Variants in ROBO2 observed in about 807,000 individuals in gnomAD.
ROBO2 encodes roundabout homolog 2.
A neutral mutation model predicts 160.8 loss-of-function variants in ROBO2; 53 were observed. The ratio of observed to expected loss-of-function variants is 0.33; its 90% CI spans 0.26 to 0.41. The LOEUF (loss-of-function observed/expected upper bound fraction) is 0.41. Ranked by LOEUF, ROBO2 falls within the 10% of genes least tolerant of loss-of-function variation. ROBO2 has a pLI of 1.00. For synonymous variants in ROBO2, 664 were observed against 611.7 expected, an observed-to-expected ratio of 1.09 and a Z score of -1.26; for missense variants, 1,577 against 1,722.4, an observed-to-expected ratio of 0.92 and a Z score of 1.49.
chr3:75,953,850 A>G (rs1198469669), intron 2 of ROBO2, among the ~76,000 whole-genome samples: 1 of 151,930 alleles, frequency 6.6e-6, no homozygotes, highest in Non-Finnish European at 1.5e-5. Flanking sequence ...ACCTTATGAT[A>G]TTTATCAAAT....
intron 2 of ROBO2, among the ~76,000 whole-genome samples, chr3:76,950,047 T>G (rs541018688): frequency 2.6e-5 from 4 of 152,336 alleles, no homozygotes; most frequent in African/African-American, 2.4e-5. Flanking sequence ...CTTTTTGTGA[T>G]GAAGTCTCCA....
intron 2 of ROBO2, among the ~76,000 whole-genome samples, chr3:76,427,454 T>C (rs1423631300): frequency 6.6e-6 from 1 of 152,104 alleles, no homozygotes; most frequent in Non-Finnish European, 1.5e-5. Flanking sequence ...TGAAGACTAC[T>C]ACAAATGTAA....
intron 14 of ROBO2, 29 bp downstream of exon 15, chr3:77,574,759 A>G: frequency 1.3e-6 from 2 of 1,498,008 alleles, no homozygotes; most frequent in Non-Finnish European, 1.9e-6. Flanking sequence ...AATATAAATC[A>G]AACATGATGA....
At chr3:77,064,007 T>C (rs2066585587) in intron 1 of ROBO2, among the ~76,000 whole-genome samples, 1 of 152,194 alleles carries the variant, frequency 6.6e-6, no homozygotes, top group Non-Finnish European at 1.5e-5. Flanking sequence ...CATACCTAGA[T>C]GAAGGGTAAA....
At chr3:76,877,546 A>G (rs1225768422) in intron 2 of ROBO2, among the ~76,000 whole-genome samples, 9 of 152,188 alleles carry the variant, frequency 5.9e-5, no homozygotes, top group Non-Finnish European at 1.3e-4. Flanking sequence ...TCTAGTATGA[A>G]GTAAATGATG....
intron 2 of ROBO2, among the ~76,000 whole-genome samples, chr3:76,023,861 T>C (rs2066650464): frequency 1.3e-5 from 2 of 151,336 alleles, no homozygotes; most frequent in Admixed American, 6.6e-5. Context: ...ACAAGAAAAG[T>C]GCAATAAAAC....
chr3:76,806,725 C>T (rs1410144219), intron 2 of ROBO2, among the ~76,000 whole-genome samples: 1 of 151,994 alleles, frequency 6.6e-6, no homozygotes, highest in Non-Finnish European at 1.5e-5. Context: ...GGTACCACCT[C>T]TAGTACTGAA....
intron 2 of ROBO2, among the ~76,000 whole-genome samples, chr3:77,309,828 A>G (rs1049878703): frequency 1.3e-5 from 2 of 152,218 alleles, no homozygotes; most frequent in Admixed American, 1.3e-4. Context: ...AAGGGTCCAT[A>G]GAGAGATAAC....
intron 2 of ROBO2, among the ~76,000 whole-genome samples, chr3:76,563,243 C>T (rs777486123): frequency 1.3e-5 from 2 of 152,218 alleles, no homozygotes; most frequent in Non-Finnish European, 2.9e-5. Flanking sequence ...ACACTCTGCA[C>T]ATCATTTCTT....
intron 1 of ROBO2, among the ~76,000 whole-genome samples, chr3:77,045,111 TTTC>T (rs1363323978): frequency 6.6e-6 from 1 of 152,128 alleles, no homozygotes; most frequent in Non-Finnish European, 1.5e-5. Flanking sequence ...GCTGTAGGCT[TTTC>T]TTCTTCTTGT....
At chr3:76,316,383 A>T (rs185362190) in intron 2 of ROBO2, among the ~76,000 whole-genome samples, 9 of 152,308 alleles carry the variant, frequency 5.9e-5, no homozygotes, top group African/African-American at 2.2e-4. Flanking sequence ...TTGCTAGGAG[A>T]AGAATTTAGT....
In ROBO2 at chr3:76,758,613, C is replaced by T. The variant is rs769511065; in HGVS notation, c.110-339401C>T. Among the ~76,000 whole-genome samples the T allele has an allele frequency of 2.8e-4, 42 of 151,844 alleles. 1 individual carries two copies. Among genetic ancestry groups the T allele is most frequent in the Admixed American group, 3.9e-4 (6 of 15,230 alleles). Reference sequence around the variant, plus strand: ...CCTGCTTTTTGAGGATTGCACCAACCCATTACCTTCTCATCAGCTGTAATG... The same window carrying T: ...CCTGCTTTTTGAGGATTGCACCAACTCATTACCTTCTCATCAGCTGTAATG... On this transcript the variant is annotated intron_variant, in intron 2 of 26. Coordinates refer to the ROBO2 transcript ENST00000487694.
Position 76,670,599 on chromosome 3 carries a change from C to T in ROBO2, c.110-427415C>T, listed in dbSNP as rs2092228866. 4.6e-5 allele frequency among the ~76,000 whole-genome samples: 7 copies of T among 152,186 alleles called. No homozygotes were observed. The South Asian group carries it at 1.5e-3, about 32-fold the overall frequency. On this transcript the variant is annotated intron_variant, in intron 2 of 26. Coordinates refer to the ROBO2 transcript ENST00000487694. Reference sequence around the variant, plus strand: ...ATTCTTCATTCATACTGATCTATTACATGCTGTAAGGAGCATGAAAGGGTG... The same window carrying T: ...ATTCTTCATTCATACTGATCTATTATATGCTGTAAGGAGCATGAAAGGGTG...
At chr3:76,986,396 A>G (rs1047703743) in intron 2 of ROBO2, among the ~76,000 whole-genome samples, 6 of 152,132 alleles carry the variant, frequency 3.9e-5, no homozygotes, top group African/African-American at 1.4e-4. Context: ...TTTGGAATCT[A>G]TAAAACATGA....
chr3:76,842,719 A>T (rs991616238), intron 2 of ROBO2, among the ~76,000 whole-genome samples: 59 of 152,156 alleles, frequency 3.9e-4, no homozygotes, highest in African/African-American at 1.3e-3. Flanking sequence ...TTTTTTATTT[A>T]TGTAATTTTC....
chr3:77,574,474 A>T, intron 13 of ROBO2, 25 bp from the exon 15 acceptor site: 1 of 1,587,678 alleles, frequency 6.3e-7, no homozygotes, highest in Non-Finnish European at 8.6e-7. Context: ...CTTTAGTTTC[A>T]AATGCCCTTA....
At chr3:77,083,505 T>C (rs912796195) in intron 1 of ROBO2, among the ~76,000 whole-genome samples, 6 of 152,094 alleles carry the variant, frequency 3.9e-5, no homozygotes, top group African/African-American at 1.4e-4. Context: ...CGTTTGCATT[T>C]TTTCTAGGAA....
chr3:77,547,072 G>C (rs1582864263), intron 7 of ROBO2, among the ~76,000 whole-genome samples: 3 of 151,938 alleles, frequency 2.0e-5, no homozygotes, highest in Admixed American at 6.6e-5. Flanking sequence ...TCTTTGTTCT[G>C]CCCTGGTTTG....
intron 1 of ROBO2, among the ~76,000 whole-genome samples, chr3:75,924,321 G>T (rs1199810817): frequency 6.6e-6 from 1 of 152,118 alleles, no homozygotes; most frequent in East Asian, 1.9e-4. Context: ...CGAAAGACCA[G>T]AGTGAGTAGA....
Sources: gnomAD v4.1 joint callset for allele counts (sites outside exome capture counted in the v4.1 genomes callset) on GRCh38, gnomAD v4.1.1 for gene constraint, MANE v1.5 for transcripts, NCBI Gene and HGNC (gene_info 2026-07-23, HGNC 2026-07-21) for gene names.